Variants in DISP1 observed in about 807,000 individuals in gnomAD.
The protein encoded by DISP1 is protein dispatched homolog 1.
In DISP1, 30 loss-of-function variants were observed where a neutral mutation model predicts 37.3. The observed-to-expected ratio is 0.80, with a 90% CI of 0.60 to 1.09. The LOEUF is 1.09. DISP1 is among the 50% of genes least tolerant of loss of function. DISP1 has a pLI of 0.00. For missense variants in DISP1, 1,598 were observed against 1,879.5 expected, an observed-to-expected ratio of 0.85 and a Z score of 2.77; for synonymous variants, 634 against 690.2, an observed-to-expected ratio of 0.92 and a Z score of 1.28.
chr1:222,982,844 G>T (rs995029840), intron 3 of DISP1, among the ~76,000 whole-genome samples: 1 of 152,036 alleles, frequency 6.6e-6, no homozygotes, highest in Non-Finnish European at 1.5e-5. Context: ...ACGGAGTCTG[G>T]GAAGGTTCTG....
At chr1:222,877,919 A>G (rs1670055158) in intron 1 of DISP1, among the ~76,000 whole-genome samples, 1 of 152,196 alleles carries the variant, frequency 6.6e-6, no homozygotes. Context: ...GAGCACAGCC[A>G]ATAGAAGCTG....
Position 223,005,219 on chromosome 1 carries a change from A to G in DISP1, c.3822A>G (p.Pro1274=), listed in dbSNP as rs9441941. The change falls in exon 9 of 9, where the codon CCA becomes CCG. Residue 1274 remains proline, a synonymous_variant. Transcript: ENST00000675850. ...FFSLNQRCSC[P]DAYKHLNYGP... ...CTCTGAATCAGAGATGTAGCTGCCC[A>G]GATGCCTACAAACACTTGAACTATG... The G allele has an allele frequency of 6.2e-7, 1 of 1,613,882 alleles. No individual in the cohort carries two copies. Among genetic ancestry groups the G allele is most frequent in the Non-Finnish European group, 8.5e-7 (1 of 1,179,974 alleles).
chr1:222,927,015 G>A (rs1166102207), intron 1 of DISP1, among the ~76,000 whole-genome samples: 2 of 151,996 alleles, frequency 1.3e-5, no homozygotes, highest in East Asian at 3.9e-4. Context: ...TGCAAATACA[G>A]AATCCACAAA....
At chr1:222,943,462 G>A (rs1255495445) in intron 3 of DISP1, 130 bp downstream of exon 3, 3 of 1,290,060 alleles carry the variant, frequency 2.3e-6, no homozygotes, top group African/African-American at 3.0e-5. Context: ...CGCATATTCT[G>A]TGGATTGTGT....
intron 1 of DISP1, among the ~76,000 whole-genome samples, chr1:222,826,587 C>G (rs1208398223): frequency 6.6e-6 from 1 of 151,812 alleles, no homozygotes; most frequent in Non-Finnish European, 1.5e-5. Flanking sequence ...TGGGGTTCTA[C>G]TATGTTGCCC....
intron 2 of DISP1, among the ~76,000 whole-genome samples, chr1:222,939,547 G>T (rs1170904078): frequency 6.6e-6 from 1 of 151,922 alleles, no homozygotes; most frequent in Non-Finnish European, 1.5e-5. Context: ...CCTGGGCTGG[G>T]CACAGTGGCT....
chr1:222,937,331 C>A (rs1184125931), intron 2 of DISP1, among the ~76,000 whole-genome samples: 2 of 151,812 alleles, frequency 1.3e-5, no homozygotes, highest in African/African-American at 4.8e-5. Flanking sequence ...ACCTCGTGAT[C>A]CACCCGCCTC....
At chr1:222,906,899 G>C (rs139171486) in intron 1 of DISP1, among the ~76,000 whole-genome samples, 76 of 152,184 alleles carry the variant, frequency 5.0e-4, no homozygotes, top group African/African-American at 1.8e-3. Flanking sequence ...CCTCTCTTAG[G>C]GTCTGGATCA....
intron 1 of DISP1, among the ~76,000 whole-genome samples, chr1:222,870,598 G>C (rs1426859031): frequency 6.6e-6 from 1 of 152,136 alleles, no homozygotes; most frequent in Non-Finnish European, 1.5e-5. Context: ...CTTTTGAGAA[G>C]TGTCTGTTCA....
intron 3 of DISP1, among the ~76,000 whole-genome samples, chr1:222,954,700 G>A (rs1484783779): frequency 6.6e-6 from 1 of 152,066 alleles, no homozygotes; most frequent in African/African-American, 2.4e-5. Flanking sequence ...TCATAGGAGA[G>A]GGGAGGGGCT....
rs759695907 is a variant in DISP1 at position 223,005,726 on chromosome 1, G to A, written c.4329G>A (p.Leu1443=). 1 of 1,614,144 alleles carries A rather than the reference G, an allele frequency of 6.2e-7. No homozygotes were observed. The highest frequency in any genetic ancestry group is 1.7e-5 in the Admixed American group (1 of 60,016). The change falls in exon 9 of 9, where the codon TTG becomes TTA. Residue 1443 remains leucine (L), a synonymous_variant. Transcript: ENST00000675850. ...NKAGGKVELS[L]SQTDASVNSE... ...CAGGAGGGAAAGTGGAGCTGAGCTT[G>A]TCACAGACGGATGCAAGTGTGAACT...
intron 1 of DISP1, among the ~76,000 whole-genome samples, chr1:222,894,080 C>G (rs1459546696): frequency 6.6e-6 from 1 of 152,134 alleles, no homozygotes; most frequent in African/African-American, 2.4e-5. Context: ...GTGAATCTGA[C>G]TGGGTGGGTG....
chr1:222,841,658 A>G (rs1022743404), intron 1 of DISP1, among the ~76,000 whole-genome samples: 11 of 152,200 alleles, frequency 7.2e-5, no homozygotes, highest in African/African-American at 2.7e-4. Context: ...TCAAATGGTA[A>G]TATTCACTGT....
intron 3 of DISP1, among the ~76,000 whole-genome samples, chr1:222,982,585 G>A (rs904030830): frequency 3.7e-4 from 57 of 152,152 alleles, no homozygotes; most frequent in African/African-American, 1.4e-3. Context: ...AGATTGTGAA[G>A]TTAGATATTA....
chr1:222,993,581 G>A (rs1192292925), intron 7 of DISP1, among the ~76,000 whole-genome samples: 2 of 152,082 alleles, frequency 1.3e-5, no homozygotes, highest in African/African-American at 4.8e-5. Context: ...AGGAGATGAG[G>A]CAGAACCTTA....
chr1:222,884,232 G>A (rs1447923525), intron 1 of DISP1, among the ~76,000 whole-genome samples: 4 of 151,734 alleles, frequency 2.6e-5, no homozygotes, highest in Non-Finnish European at 5.9e-5. Context: ...AACTTTCATA[G>A]AGTTCCTGGG....
chr1:222,989,251 A>G (rs1045457828), intron 4 of DISP1: 1 of 391,148 alleles, frequency 2.6e-6, no homozygotes, highest in Non-Finnish European at 3.5e-6. Context: ...ATTTCAAATG[A>G]GCCAGAAATA....
At chr1:222,846,225 A>C (rs1017281993) in intron 1 of DISP1, among the ~76,000 whole-genome samples, 17 of 152,128 alleles carry the variant, frequency 1.1e-4, no homozygotes, top group African/African-American at 1.9e-4. Context: ...GATGTGGTGG[A>C]TCATGCCTGT....
intron 7 of DISP1, among the ~76,000 whole-genome samples, chr1:222,994,290 A>G (rs906226653): frequency 6.6e-6 from 1 of 152,188 alleles, no homozygotes; most frequent in East Asian, 1.9e-4. Flanking sequence ...TTTCTGGTAT[A>G]TCATACAACC....
Sources: allele counts gnomAD v4.1 joint callset (sites outside exome capture counted in the v4.1 genomes callset), GRCh38; gene constraint gnomAD v4.1.1; transcripts MANE v1.5; gene names NCBI Gene and HGNC (gene_info 2026-07-23, HGNC 2026-07-21).